Variants in TSGA10 observed in about 807,000 individuals in gnomAD.
TSGA10 encodes testis-specific gene 10 protein.
TSGA10 carries 43 observed loss-of-function variants against 96.6 expected under a neutral mutation model. The ratio of observed to expected loss-of-function variants is 0.44; its 90% CI spans 0.35 to 0.57. The LOEUF (loss-of-function observed/expected upper bound fraction) is 0.57. Ranked by LOEUF, TSGA10 falls within the 20% of genes least tolerant of loss-of-function variation. The probability of loss-of-function intolerance (pLI) is 0.01; values close to 1 mark genes in which losing one functional copy is unlikely to be tolerated. For missense variants in TSGA10, 703 were observed against 834.4 expected (o/e 0.84, Z 1.94); for synonymous variants, 229 against 269.9 (o/e 0.85, Z 1.48).
chr2:99,089,253 C>G (rs1284667633), intron 10 of TSGA10, among the ~76,000 whole-genome samples: 1 of 152,182 alleles, frequency 6.6e-6, no homozygotes, highest in Non-Finnish European at 1.5e-5. Flanking sequence ...CCTGTGGGCT[C>G]TCTCAGTCCC....
At chr2:99,097,945 TAAAG>T (rs2090249475) in intron 10 of TSGA10, among the ~76,000 whole-genome samples, 1 of 152,012 alleles carries the variant, frequency 6.6e-6, no homozygotes, top group Non-Finnish European at 1.5e-5. Context: ...TGAGTAGAGA[TAAAG>T]AAAGTCACTT....
intron 10 of TSGA10, among the ~76,000 whole-genome samples, chr2:99,097,224 T>C (rs2090154796): frequency 6.6e-6 from 1 of 152,126 alleles, no homozygotes; most frequent in Non-Finnish European, 1.5e-5. Flanking sequence ...TCTGAAAATA[T>C]ATATATATAG....
At chr2:99,039,715 T>G (rs1358269164) in intron 16 of TSGA10, among the ~76,000 whole-genome samples, 5 of 152,122 alleles carry the variant, frequency 3.3e-5, no homozygotes, top group Non-Finnish European at 2.9e-5. Context: ...GTACCAATCC[T>G]ACTGAAATTA....
At chr2:99,059,035 CAAAA>C (rs60034428) in intron 16 of TSGA10, among the ~76,000 whole-genome samples, 1 of 102,536 alleles carries the variant, frequency 9.8e-6, no homozygotes, top group African/African-American at 3.7e-5. Flanking sequence ...GACTCTGTCT[CAAAA>C]AAAAAAAATA....
intron 1 of TSGA10, among the ~76,000 whole-genome samples, chr2:99,135,582 A>G (rs2093290764): frequency 6.6e-6 from 1 of 152,226 alleles, no homozygotes; most frequent in Non-Finnish European, 1.5e-5. Context: ...AGTGGTTAAT[A>G]TCATGTATTT....
intron 1 of TSGA10, among the ~76,000 whole-genome samples, chr2:99,140,770 C>A (rs2093505920): frequency 6.6e-6 from 1 of 152,150 alleles, no homozygotes; most frequent in Non-Finnish European, 1.5e-5. Context: ...TCCACCAGAG[C>A]TTCCAGAGCG....
At chr2:99,100,693 G>A (rs1290839306) in intron 10 of TSGA10, among the ~76,000 whole-genome samples, 1 of 151,580 alleles carries the variant, frequency 6.6e-6, no homozygotes, top group Non-Finnish European at 1.5e-5. Context: ...GGTGGCGGGC[G>A]CCTGTAGTCC....
intron 20 of TSGA10, among the ~76,000 whole-genome samples, chr2:99,001,697 G>A (rs1367980855): frequency 1.3e-5 from 2 of 152,208 alleles, no homozygotes; most frequent in Non-Finnish European, 2.9e-5. Flanking sequence ...CAAGCTAAAG[G>A]AGGACGTTTG....
intron 1 of TSGA10, among the ~76,000 whole-genome samples, chr2:99,149,093 C>T (rs1397557955): frequency 6.6e-6 from 1 of 151,718 alleles, no homozygotes; most frequent in Non-Finnish European, 1.5e-5. Context: ...ATCACTTTAA[C>T]CTGCCGGGTG....
chr2:99,068,854 G>T, intron 15 of TSGA10, 34 bp downstream of exon 15: 1 of 1,073,820 alleles, frequency 9.3e-7, no homozygotes, highest in Non-Finnish European at 1.3e-6. Flanking sequence ...TGAAAACTAA[G>T]TATCATGAGC....
chr2:99,077,471 G>C (rs2086854764), intron 12 of TSGA10, among the ~76,000 whole-genome samples: 1 of 152,130 alleles, frequency 6.6e-6, no homozygotes, highest in Admixed American at 6.5e-5. Context: ...AGATATTTGT[G>C]AAAACAGCTT....
chr2:99,078,271 GAAAAAAA>G (rs200891345), intron 12 of TSGA10, among the ~76,000 whole-genome samples: 53 of 81,466 alleles, frequency 6.5e-4, no homozygotes, highest in East Asian at 3.2e-3. Flanking sequence ...ACTCCCGTTT[GAAAAAAA>G]AAAAAAAAAA....
intron 10 of TSGA10, among the ~76,000 whole-genome samples, chr2:99,101,375 C>T (rs2090713315): frequency 6.6e-6 from 1 of 151,278 alleles, no homozygotes; most frequent in Admixed American, 6.6e-5. Flanking sequence ...GCTATGTTGC[C>T]TAGGCTTATT....
At chr2:99,150,962 T>C (rs528283161) in intron 1 of TSGA10, 323 of 627,624 alleles carry the variant, frequency 5.1e-4, no homozygotes, top group Non-Finnish European at 7.7e-4. Context: ...TTTTGCACTA[T>C]TTGTGAATCA....
At chr2:99,101,906 T>C in intron 10 of TSGA10, 2 of 602,142 alleles carry the variant, frequency 3.3e-6, no homozygotes, top group African/African-American at 1.9e-5. Flanking sequence ...TAGGGAGTGC[T>C]GTTCAAAGGA....
chr2:99,115,725 T>C (rs1402511064), intron 4 of TSGA10, among the ~76,000 whole-genome samples: 1 of 151,874 alleles, frequency 6.6e-6, no homozygotes, highest in African/African-American at 2.4e-5. Flanking sequence ...ACTAAAAATA[T>C]GAAAATTAGA....
At chr2:99,064,592 T>C (rs2085056977) in intron 16 of TSGA10, among the ~76,000 whole-genome samples, 1 of 152,236 alleles carries the variant, frequency 6.6e-6, no homozygotes, top group African/African-American at 2.4e-5. Flanking sequence ...TTATCTGTAA[T>C]GTTTTATTTC....
intron 17 of TSGA10, among the ~76,000 whole-genome samples, chr2:99,028,281 T>C (rs576128351): frequency 7.2e-5 from 11 of 152,350 alleles, no homozygotes; most frequent in African/African-American, 2.6e-4. Context: ...CCAATTACAT[T>C]TGATCCCTTT....
intron 20 of TSGA10, among the ~76,000 whole-genome samples, chr2:99,014,062 C>A (rs1468432404): frequency 6.6e-6 from 1 of 152,060 alleles, no homozygotes; most frequent in Non-Finnish European, 1.5e-5. Context: ...GTCTGAGGCA[C>A]AAGAATCGCT....
Sources: allele counts gnomAD v4.1 joint callset (sites outside exome capture counted in the v4.1 genomes callset), GRCh38; gene constraint gnomAD v4.1.1; transcripts MANE v1.5; gene names NCBI Gene and HGNC (gene_info 2026-07-23, HGNC 2026-07-21).